The following BTBD8 variants were observed in gnomAD, a reference collection of about 807,000 sequenced individuals.
The protein encoded by BTBD8 is BTB/POZ domain-containing protein 8.
In BTBD8, 110 loss-of-function variants were observed where a neutral mutation model predicts 162.9. That is an observed-to-expected ratio of 0.68 (90% CI 0.58 to 0.79). The LOEUF (loss-of-function observed/expected upper bound fraction) is 0.79, where lower values mean the gene tolerates loss of function less well. BTBD8 is among the 30% of genes least tolerant of loss of function. The probability of loss-of-function intolerance (pLI) is 0.00; values close to 1 mark genes in which losing one functional copy is unlikely to be tolerated. For missense variants in BTBD8, 1,905 were observed against 2,085.4 expected, an observed-to-expected ratio of 0.91 and a Z score of 1.68; for synonymous variants, 667 against 716.1, an observed-to-expected ratio of 0.93 and a Z score of 1.10.
At chr1:92,134,605 T>C (rs371136853) in intron 5 of BTBD8, among the ~76,000 whole-genome samples, 2 of 152,204 alleles carry the variant, frequency 1.3e-5, no homozygotes, top group Non-Finnish European at 2.9e-5. Context: ...CCTCAGTTAC[T>C]CTCTCTTATA....
intron 9 of BTBD8, among the ~76,000 whole-genome samples, chr1:92,154,417 A>G (rs1431795730): frequency 6.6e-6 from 1 of 152,106 alleles, no homozygotes; most frequent in African/African-American, 2.4e-5. Flanking sequence ...TACAAGTACT[A>G]CCTATTCTCC....
Position 92,141,111 on chromosome 1 carries a change from TTA to T in BTBD8, c.834-3_834-2del, listed in dbSNP as rs1304026448. 6.5e-7 allele frequency: 1 copy of T among 1,541,784 alleles called. No individual in the cohort carries two copies. Among genetic ancestry groups the T allele is most frequent in the Non-Finnish European group, 8.7e-7 (1 of 1,147,146 alleles). Reference sequence around the variant, plus strand: ...AATTAACAGTGCATCTATTTTTATTTTAGTCAGATACTCAATATGGCTGATAT... The same window carrying T: ...AATTAACAGTGCATCTATTTTTATTTGTCAGATACTCAATATGGCTGATAT... On this transcript the variant is annotated splice_acceptor_variant and splice_polypyrimidine_tract_variant and intron_variant, in intron 6 of 17. Coordinates refer to ENST00000636805, the MANE Select transcript of BTBD8 (RefSeq NM_001376131.1). LOFTEE classifies it high-confidence loss of function.
chr1:92,115,217 C>T (rs1649001088), intron 4 of BTBD8: 3 of 503,662 alleles, frequency 6.0e-6, no homozygotes, highest in Admixed American at 2.5e-5. Context: ...CCATAGCCAT[C>T]ACACCACAGT....
chr1:92,130,539 TAC>T (rs59796834), intron 5 of BTBD8, among the ~76,000 whole-genome samples: 2,099 of 130,954 alleles, frequency 0.016, 32 homozygotes, highest in African/African-American at 0.039. Flanking sequence ...TATATATATT[TAC>T]ACACACACAC....
rs1255790412 is a variant in BTBD8, at chr1:92,180,652, C to G, written c.2969C>G (p.Pro990Arg). Reference sequence around the variant, plus strand: ...GTTTCTGAACAGAAGCCTCACAAACCTCTCATTAATCTTGCATCTGAAATA... The same window carrying G: ...GTTTCTGAACAGAAGCCTCACAAACGTCTCATTAATCTTGCATCTGAAATA... ...DSVSEQKPHK[P>R]LINLASEISD... The change falls in exon 17 of 18, where the codon CCT becomes CGT. Residue 990 changes from proline (P) to arginine (R), a missense_variant. Physicochemically the swap from Pro to Arg is moderately radical, Grantham distance 103. Coordinates refer to ENST00000636805, the MANE Select transcript of BTBD8 (RefSeq NM_001376131.1). 10 of 1,551,120 alleles carry G rather than the reference C, an allele frequency of 6.4e-6. No homozygotes were observed. The East Asian group carries it at 1.5e-4, about 23-fold the overall frequency.
intron 3 of BTBD8, among the ~76,000 whole-genome samples, chr1:92,105,772 G>A (rs1648710662): frequency 1.3e-5 from 2 of 152,204 alleles, no homozygotes; most frequent in Non-Finnish European, 2.9e-5. Flanking sequence ...ACCAGAAGAG[G>A]TTCAGAGAAC....
chr1:92,181,373 ATT>A lies in BTBD8; in HGVS notation c.3692_3693del (p.Phe1231CysfsTer18). 6.4e-7 allele frequency: 1 copy of A among 1,551,648 alleles called. No homozygotes were observed. Among genetic ancestry groups the A allele is most frequent in the Non-Finnish European group, 8.7e-7 (1 of 1,146,954 alleles). ...AGAGCCATGAAACTCCAGAAACTCC[ATT>A]TGTGGGTCACTGGAATTTGAGTACT... Reference protein sequence around the residue: ...PESHETPETPFVGHWNLSTGV... With the variant: ...PESHETPETPXVGHWNLSTGV... On this transcript the variant is annotated frameshift_variant, in exon 17 of 18. Coordinates refer to ENST00000636805, the MANE Select transcript of BTBD8 (RefSeq NM_001376131.1). LOFTEE classifies it high-confidence loss of function.
chr1:92,180,806 A>G lies in BTBD8; in HGVS notation c.3123A>G (p.Glu1041=), dbSNP rs1423406096. ...AGCTGGATAAATCATTAAAACACGAACTGGAATCAAAACAGATTTGTTTAG... is the reference window on the plus strand; with the variant it reads ...AGCTGGATAAATCATTAAAACACGAGCTGGAATCAAAACAGATTTGTTTAG... The part of the protein sequence containing the change: ...ISKLDKSLKH[E]LESKQICLDK... Residue 1041 remains glutamate (E), a synonymous_variant, in exon 17 of 18, where the codon GAA becomes GAG. Transcript: ENST00000636805. 1 of 1,551,620 alleles carries G rather than the reference A, an allele frequency of 6.4e-7. No homozygotes were observed. Among genetic ancestry groups the G allele is most frequent in the Non-Finnish European group, 8.7e-7 (1 of 1,146,974 alleles).
At chr1:92,177,938 T>TGAGAGAAAG in intron 15 of BTBD8, 40 bp downstream of exon 15, 1 of 1,008,578 alleles carries the variant, frequency 9.9e-7, no homozygotes, top group African/African-American at 1.6e-5. Flanking sequence ...CTGTTAGCTT[T>TGAGAGAAAG]CTCTCAAAGT....
intron 2 of BTBD8, among the ~76,000 whole-genome samples, chr1:92,097,450 T>C (rs547007030): frequency 4.6e-5 from 7 of 152,298 alleles, no homozygotes; most frequent in African/African-American, 1.7e-4. Flanking sequence ...GTGGTTTTAA[T>C]ATATTCACAA....
chr1:92,145,212 G>T (rs952903681), intron 7 of BTBD8, among the ~76,000 whole-genome samples: 2 of 152,092 alleles, frequency 1.3e-5, no homozygotes, highest in African/African-American at 2.4e-5. Flanking sequence ...AATCCACCTT[G>T]CCTCGACATC....
chr1:92,102,943 C>A (rs1648629599), intron 3 of BTBD8, among the ~76,000 whole-genome samples: 1 of 152,096 alleles, frequency 6.6e-6, no homozygotes, highest in Non-Finnish European at 1.5e-5. Context: ...AATAAAGAAG[C>A]TTTGGCAGAG....
rs75460282 is a variant in BTBD8 at position 92,134,615 on chromosome 1, A to G, written c.753-4735A>G. Among the ~76,000 whole-genome samples, 1,243 of 152,310 alleles carry G rather than the reference A, an allele frequency of 8.2e-3. 20 individuals are homozygous for G. Among genetic ancestry groups the G allele is most frequent in the African/African-American group, 0.028 (1,158 of 41,564 alleles). Reference sequence around the variant, plus strand: ...CAACTCCTCAGTTACTCTCTCTTATATAATCCTATTCTGTTGTCTTCATGG... The same window carrying G: ...CAACTCCTCAGTTACTCTCTCTTATGTAATCCTATTCTGTTGTCTTCATGG... On this transcript the variant is annotated intron_variant, in intron 5 of 17. Transcript: ENST00000636805.
chr1:92,106,200 A>G (rs112487413), intron 3 of BTBD8, among the ~76,000 whole-genome samples: 5 of 152,346 alleles, frequency 3.3e-5, no homozygotes, highest in African/African-American at 9.6e-5. Flanking sequence ...ACTGGTCTCC[A>G]TGTCAGGTCA....
chr1:92,105,335 C>G (rs1337032773), intron 3 of BTBD8, among the ~76,000 whole-genome samples: 2 of 152,124 alleles, frequency 1.3e-5, no homozygotes, highest in East Asian at 3.9e-4. Flanking sequence ...TCACTGCAAC[C>G]TCTACCTCCC....
intron 2 of BTBD8, among the ~76,000 whole-genome samples, chr1:92,100,205 C>G (rs1380474090): frequency 6.6e-6 from 1 of 152,072 alleles, no homozygotes; most frequent in Non-Finnish European, 1.5e-5. Flanking sequence ...GGTTTATAAT[C>G]CCTTTTATAT....
At chr1:92,111,504 T>G (rs908017251) in intron 4 of BTBD8, among the ~76,000 whole-genome samples, 2 of 152,238 alleles carry the variant, frequency 1.3e-5, no homozygotes, top group Non-Finnish European at 2.9e-5. Context: ...TAAAAGTTTT[T>G]TCAGAAGTGG....
intron 9 of BTBD8, among the ~76,000 whole-genome samples, chr1:92,164,177 G>C (rs146494454): frequency 1.4e-4 from 22 of 152,256 alleles, no homozygotes; most frequent in African/African-American, 5.1e-4. Context: ...AGCAGTGGGA[G>C]AATATAATAC....
chr1:92,170,475 CAG>C lies in BTBD8; in HGVS notation c.1574-921_1574-920del, dbSNP rs553405964. Among the ~76,000 whole-genome samples the C allele has an allele frequency of 1.8e-3, 270 of 152,126 alleles. 1 individual carries two copies. The highest frequency in any genetic ancestry group is 6.3e-3 in the African/African-American group (262 of 41,536). ...TAATTTCTTCCTGTGTATTATTGTG[CAG>C]AGTCATTTGCTTACTGCAAATCAGT... On this transcript the variant is annotated intron_variant, in intron 12 of 17. Transcript: ENST00000636805.
Sources: allele counts gnomAD v4.1 joint callset (sites outside exome capture counted in the v4.1 genomes callset), GRCh38; gene constraint gnomAD v4.1.1; transcripts MANE v1.5; gene names NCBI Gene and HGNC (gene_info 2026-07-23, HGNC 2026-07-21).